The following C12orf42 variants were observed in gnomAD, a reference collection of about 807,000 sequenced individuals.
The protein encoded by C12orf42 is uncharacterized protein C12orf42.
In C12orf42, 25 loss-of-function variants were observed where a neutral mutation model predicts 21.6. The ratio of observed to expected loss-of-function variants is 1.16; its 90% CI spans 0.84 to 1.62. The LOEUF (loss-of-function observed/expected upper bound fraction) is 1.62. C12orf42 is among the 40% of genes most tolerant of loss of function. The pLI is 0.00. For missense variants in C12orf42, 483 were observed against 459.3 expected (o/e 1.05, Z -0.47); for synonymous variants, 174 against 175.0 (o/e 0.99, Z 0.05).
chr12:103,128,001 C>T, the C12orf42 span, among the ~76,000 whole-genome samples: 2 of 152,144 alleles, frequency 1.3e-5, no homozygotes. Flanking sequence ...TCTTGACTAG[C>T]CTTTCTCCTC....
the C12orf42 span, among the ~76,000 whole-genome samples, chr12:103,182,846 A>C: frequency 6.6e-6 from 1 of 152,260 alleles, no homozygotes; most frequent in African/African-American, 2.4e-5. Flanking sequence ...CAGGACATAG[A>C]TATTAATACA....
chr12:103,340,132 G>A (rs1746164047), intron 4 of C12orf42, among the ~76,000 whole-genome samples: 1 of 152,180 alleles, frequency 6.6e-6, no homozygotes, highest in Admixed American at 6.5e-5. Context: ...AAAAGAGGAG[G>A]GCTGGGGAGA....
intron 10 of C12orf42, among the ~76,000 whole-genome samples, chr12:103,246,676 G>A (rs1784702188): frequency 1.3e-5 from 2 of 152,192 alleles, no homozygotes; most frequent in South Asian, 2.1e-4. Context: ...CTGAGTGAAA[G>A]GGATTATCTA....
the C12orf42 span, among the ~76,000 whole-genome samples, chr12:103,057,186 T>C: frequency 6.6e-6 from 1 of 152,104 alleles, no homozygotes; most frequent in African/African-American, 2.4e-5. Context: ...ACATCTTTTT[T>C]TTTTTTTTTA....
At chr12:103,501,044 C>T in the C12orf42 span, among the ~76,000 whole-genome samples, 1 of 152,152 alleles carries the variant, frequency 6.6e-6, no homozygotes, top group Non-Finnish European at 1.5e-5. Flanking sequence ...CTTTGTGATC[C>T]AAGATGTGGC....
Position 103,302,365 on chromosome 12 carries a change from CTTTTCCGACGGG to C in C12orf42, c.814_825del (p.Pro272_Lys275del). The stretch of plus-strand genomic sequence containing the variant: ...ATCTCCGGCGCCATGGCAACCGCGC[CTTTTCCGACGGG>C]ATTTCCGGACGCGCCCAGGAGTCTG... On this transcript the variant is annotated inframe_deletion, in exon 6 of 6. Transcript: ENST00000548883. 1.2e-6 allele frequency: 2 copies of C among 1,613,954 alleles called. No homozygotes were observed. The highest frequency in any genetic ancestry group is 4.5e-5 in the East Asian group (2 of 44,866).
the C12orf42 span, among the ~76,000 whole-genome samples, chr12:103,553,532 C>A: frequency 6.6e-6 from 1 of 152,146 alleles, no homozygotes; most frequent in Non-Finnish European, 1.5e-5. Flanking sequence ...CCGTCTTCAC[C>A]AGCAACATTG....
At chr12:103,110,296 T>C in the C12orf42 span, among the ~76,000 whole-genome samples, 1 of 152,174 alleles carries the variant, frequency 6.6e-6, no homozygotes, top group Non-Finnish European at 1.5e-5. Flanking sequence ...TTATCAAAAG[T>C]AGACCTTGAG....
chr12:103,435,090 A>AC (rs1265813523), intron 2 of C12orf42, among the ~76,000 whole-genome samples: 1 of 151,958 alleles, frequency 6.6e-6, no homozygotes, highest in Admixed American at 6.6e-5. Context: ...TGGGTCCCTG[A>AC]CCCCTGACCC....
chr12:103,310,276 T>C (rs1039638999), intron 4 of C12orf42, among the ~76,000 whole-genome samples: 1 of 152,124 alleles, frequency 6.6e-6, no homozygotes, highest in Non-Finnish European at 1.5e-5. Context: ...TCTCTCTCTG[T>C]GTCTCTCCCT....
At chr12:103,054,115 A>G in the C12orf42 span, among the ~76,000 whole-genome samples, 6 of 151,886 alleles carry the variant, frequency 4.0e-5, no homozygotes, top group Non-Finnish European at 4.4e-5. Flanking sequence ...TTGTCTAGAT[A>G]TATAAGAAAT....
At chr12:103,215,052 CA>C in the C12orf42 span, among the ~76,000 whole-genome samples, 1 of 152,054 alleles carries the variant, frequency 6.6e-6, no homozygotes, top group African/African-American at 2.4e-5. Context: ...TTTGATTTAG[CA>C]AAATGATTCT....
chr12:103,108,003 TATAA>T, the C12orf42 span, among the ~76,000 whole-genome samples: 1 of 151,438 alleles, frequency 6.6e-6, no homozygotes, highest in Non-Finnish European at 1.5e-5. Flanking sequence ...TCTAGGTAAA[TATAA>T]ATAACTATAA....
chr12:103,414,766 G>A (rs773564339), intron 2 of C12orf42, among the ~76,000 whole-genome samples: 8 of 152,144 alleles, frequency 5.3e-5, no homozygotes, highest in Non-Finnish European at 1.2e-4. Context: ...CTTTACTAAA[G>A]TTGTTTATCC....
intron 4 of C12orf42, among the ~76,000 whole-genome samples, chr12:103,277,917 T>G (rs1342271938): frequency 6.6e-6 from 1 of 152,126 alleles, no homozygotes; most frequent in Admixed American, 6.5e-5. Context: ...CTGCACCCGA[T>G]GAGCACAATT....
chr12:103,534,346 G>GTT, the C12orf42 span, among the ~76,000 whole-genome samples: 1 of 152,126 alleles, frequency 6.6e-6, no homozygotes, highest in Non-Finnish European at 1.5e-5. Context: ...AATTACCACT[G>GTT]TTTTCCTATT....
the C12orf42 span, among the ~76,000 whole-genome samples, chr12:103,055,505 C>T: frequency 6.6e-6 from 1 of 151,874 alleles, no homozygotes; most frequent in Non-Finnish European, 1.5e-5. Flanking sequence ...AGAACCAGCT[C>T]TTTGTTTCAT....
At chr12:103,064,535 A>T in the C12orf42 span, among the ~76,000 whole-genome samples, 1 of 152,220 alleles carries the variant, frequency 6.6e-6, no homozygotes, top group African/African-American at 2.4e-5. Context: ...TGGACAAAAG[A>T]CTAATTTGAA....
chr12:103,538,793 C>G, the C12orf42 span, among the ~76,000 whole-genome samples: 68 of 152,294 alleles, frequency 4.5e-4, no homozygotes, highest in East Asian at 0.013. Context: ...ATATCTCTCC[C>G]TGCTTGAAAT....
Sources: allele counts gnomAD v4.1 joint callset (sites outside exome capture counted in the v4.1 genomes callset), GRCh38; gene constraint gnomAD v4.1.1; transcripts MANE v1.5; gene names NCBI Gene and HGNC (gene_info 2026-07-23, HGNC 2026-07-21).